Variants in KIAA1191 observed in about 807,000 individuals in gnomAD.
KIAA1191 encodes the protein putative monooxygenase p33MONOX.
In KIAA1191, 22 loss-of-function variants were observed where a neutral mutation model predicts 31.1. That is an observed-to-expected ratio of 0.71 (90% CI 0.51 to 1.01). The LOEUF is 1.01. KIAA1191 is among the 50% of genes least tolerant of loss of function. The pLI, the probability that KIAA1191 is intolerant of heterozygous loss-of-function variation, is 0.00. For missense variants in KIAA1191, 319 were observed against 388.0 expected (o/e 0.82, Z 1.49); for synonymous variants, 130 against 143.9 (o/e 0.90, Z 0.69).
chr5:176,350,492 C>G, intron 6 of KIAA1191, 121 bp downstream of exon 6: 2 of 1,258,140 alleles, frequency 1.6e-6, no homozygotes, highest in Non-Finnish European at 2.2e-6. Context: ...AGGCTAAGAG[C>G]TCGGGAGCGA....
chr5:176,348,179 T>G (rs1417853381), intron 7 of KIAA1191, 71 bp downstream of exon 7: 1 of 1,598,002 alleles, frequency 6.3e-7, no homozygotes, highest in Non-Finnish European at 8.6e-7. Flanking sequence ...CAGGCTTAAA[T>G]ACAACCTCAT....
chr5:176,347,878 G>GAT, intron 8 of KIAA1191, 43 bp downstream of exon 8: 3 of 1,613,420 alleles, frequency 1.9e-6, no homozygotes, highest in Non-Finnish European at 2.5e-6. Flanking sequence ...AATATGGTAA[G>GAT]ATGTCTGCCA....
chr5:176,355,773 G>A lies in KIAA1191; in HGVS notation c.29-24C>T. On this transcript the variant is annotated intron_variant, in intron 3 of 8. Coordinates refer to ENST00000298569, the MANE Select transcript of KIAA1191 (RefSeq NM_020444.5). The surrounding 1 kb of genome is among the most constrained non-coding windows in gnomAD (Gnocchi z 4.2). Reference sequence around the variant, plus strand: ...AGCTAAGAACAGAGACACCTGTCAAGACAGGTTCAGCAACTGGACATACTA... The same window carrying A: ...AGCTAAGAACAGAGACACCTGTCAAAACAGGTTCAGCAACTGGACATACTA... 6.2e-7 allele frequency: 1 copy of A among 1,611,420 alleles called. No homozygotes were observed. The highest frequency in any genetic ancestry group is 8.5e-7 in the Non-Finnish European group (1 of 1,177,748).
chr5:176,355,395 AAAAT>A lies in KIAA1191; in HGVS notation c.207+172_207+175del, dbSNP rs1767417984. Reference sequence around the variant, plus strand: ...TAAAGCTACTGATTTTTTTTTTAACAAAATAAATAAAATCTTAAAAAAAAAAAAA... The same window carrying A: ...TAAAGCTACTGATTTTTTTTTTAACAAAATAAAATCTTAAAAAAAAAAAAA... On this transcript the variant is annotated intron_variant, in intron 4 of 8. Coordinates refer to ENST00000298569, the MANE Select transcript of KIAA1191 (RefSeq NM_020444.5). The surrounding 1 kb of genome is among the most constrained non-coding windows in gnomAD (Gnocchi z 4.2). Among the ~76,000 whole-genome samples, 2 of 115,210 alleles carry A rather than the reference AAAAT, an allele frequency of 1.7e-5. No individual in the cohort carries two copies. The highest frequency in any genetic ancestry group is 3.0e-4 in the South Asian group (1 of 3,318). 75.6% of individuals were successfully genotyped at this position (115,210 alleles called of 152,430 possible).
At position 176,359,542 on chromosome 5, in the gene KIAA1191, A is replaced by G; in HGVS notation, c.-34T>C. On this transcript the variant is annotated 5_prime_UTR_variant, in exon 3 of 9. Coordinates refer to ENST00000298569, the MANE Select transcript of KIAA1191 (RefSeq NM_020444.5). ...TGGGATCCAGGTGCTTTTTCTATAC[A>G]GAATTCCGAGCTGAGTCCCTGCCAC... The G allele has an allele frequency of 1.3e-6, 2 of 1,582,714 alleles. No individual in the cohort carries two copies. The highest frequency in any genetic ancestry group is 1.7e-6 in the Non-Finnish European group (2 of 1,151,574).
intron 6 of KIAA1191, 116 bp downstream of exon 6, chr5:176,350,497 G>A (rs1182378519): frequency 3.1e-6 from 4 of 1,297,202 alleles, no homozygotes; most frequent in Non-Finnish European, 4.3e-6. Context: ...AAGAGCTCGG[G>A]AGCGAGACTA....
chr5:176,353,859 T>C (rs1767258734), intron 4 of KIAA1191, among the ~76,000 whole-genome samples: 1 of 152,214 alleles, frequency 6.6e-6, no homozygotes, highest in Admixed American at 6.5e-5. Context: ...CTAAAGCCCA[T>C]TGCTCTGACA....
chr5:176,354,721 T>C lies in KIAA1191; in HGVS notation c.207+850A>G, dbSNP rs188428162. 1.1e-4 allele frequency among the ~76,000 whole-genome samples: 17 copies of C among 152,228 alleles called. No homozygotes were observed. In the East Asian group the frequency reaches 2.9e-3, roughly 26 times the overall value. ...TCACAAAATGAGCAGTTTTTGGGAA[T>C]CTATGCCAGGCCATCGGCTGGATCC... On this transcript the variant is annotated intron_variant, in intron 4 of 8. Transcript: ENST00000298569.
chr5:176,353,534 A>G (rs1441801930), intron 4 of KIAA1191: 1 of 152,254 alleles, frequency 6.6e-6, no homozygotes, highest in Admixed American at 6.5e-5. Flanking sequence ...AAAAGTAATG[A>G]AAAATGTTGT....
chr5:176,350,480 C>T (rs1166739025), intron 6 of KIAA1191, 133 bp downstream of exon 6: 16 of 1,129,094 alleles, frequency 1.4e-5, no homozygotes, highest in East Asian at 4.8e-5. Flanking sequence ...GCAAAAACTA[C>T]GAGGCTAAGA....
intron 4 of KIAA1191, chr5:176,354,412 C>T (rs1291593526): frequency 6.6e-6 from 1 of 152,178 alleles, no homozygotes; most frequent in African/African-American, 2.4e-5. Context: ...CTTACGTGAA[C>T]TTGGCGGGCC....
intron 6 of KIAA1191, 148 bp downstream of exon 6, chr5:176,350,465 G>A: frequency 2.1e-6 from 2 of 946,358 alleles, no homozygotes; most frequent in Non-Finnish European, 1.6e-6. Context: ...TGTATAGGTG[G>A]ATAAGCAAAA....
In KIAA1191 at chr5:176,355,829, G is replaced by C; in HGVS notation, c.29-80C>G. On this transcript the variant is annotated intron_variant, in intron 3 of 8. Coordinates refer to ENST00000298569, the MANE Select transcript of KIAA1191 (RefSeq NM_020444.5). The surrounding 1 kb of genome is among the most constrained non-coding windows in gnomAD (Gnocchi z 4.2). ...TTTAAATTAATCTACAGGAAGGAAA[G>C]CTCTGAAATACTCTTGTTCTTGAAC... The C allele has an allele frequency of 2.2e-6, 3 of 1,375,256 alleles. No individual in the cohort carries two copies. Among genetic ancestry groups the C allele is most frequent in the Non-Finnish European group, 3.1e-6 (3 of 968,724 alleles). The allele number at this position is 1,375,256 out of a possible 1,614,324, so 85.2% of individuals were successfully genotyped here.
chr5:176,349,640 T>A (rs999209209), intron 6 of KIAA1191, among the ~76,000 whole-genome samples: 9 of 152,160 alleles, frequency 5.9e-5, no homozygotes, highest in Non-Finnish European at 1.3e-4. Context: ...AACACTGTAC[T>A]CCAGCCTGGG....
At chr5:176,360,331 T>C (rs759977984) in intron 1 of KIAA1191, among the ~76,000 whole-genome samples, 122 of 151,992 alleles carry the variant, frequency 8.0e-4, no homozygotes, top group Non-Finnish European at 1.4e-3. Flanking sequence ...TAATTTTTTG[T>C]ATTTTTAGTA....
intron 7 of KIAA1191, 62 bp from the exon 8 acceptor site, chr5:176,348,125 C>CA (rs1766680169): frequency 6.2e-7 from 1 of 1,604,146 alleles, no homozygotes. Context: ...AGAAATGTCT[C>CA]ACACCAAAAG....
chr5:176,359,080 T>A, intron 3 of KIAA1191, among the ~76,000 whole-genome samples: 1 of 80,186 alleles, frequency 1.2e-5, no homozygotes, highest in African/African-American at 4.7e-5. Context: ...CAAGACTCTG[T>A]CTCAAAAAAA....
At position 176,361,008 on chromosome 5, in the gene KIAA1191, T is replaced by G. The variant is rs1251664655; in HGVS notation, c.-168+594A>C. On this transcript the variant is annotated intron_variant, in intron 1 of 8. Transcript: ENST00000298569. This position sits in a 1 kb window ranked among gnomAD's most constrained non-coding sequence, Gnocchi z 4.0. The stretch of plus-strand genomic sequence containing the variant: ...GTTTTTCAGCTTGCTACACCGTCCC[T>G]CTATCCCGATAGGACTCAGACAGAG... 6.6e-6 allele frequency among the ~76,000 whole-genome samples: 1 copy of G among 152,034 alleles called. No homozygotes were observed. Among genetic ancestry groups the G allele is most frequent in the African/African-American group, 2.4e-5 (1 of 41,380 alleles).
At position 176,347,618 on chromosome 5, in the gene KIAA1191, G is replaced by C. The variant is rs201858370; in HGVS notation, c.900C>G (p.Leu300=). 4 of 1,520,922 alleles carry C rather than the reference G, an allele frequency of 2.6e-6. No individual in the cohort carries two copies. The highest frequency in any genetic ancestry group is 3.5e-6 in the Non-Finnish European group (4 of 1,136,132). The allele number at this position is 1,520,922 out of a possible 1,614,324, so 94.2% of individuals were successfully genotyped here. The change falls in exon 9 of 9, where the codon CTC becomes CTG. Residue 300 remains leucine, a synonymous_variant. Transcript: ENST00000298569. ...GAGGGCTCTAGAAGCCAGTGGGTGT[G>C]AGCACATTCAGGTCACGGGGTTTGA... ...HNLKPRDLNV[L]TPTGF
Sources: allele counts gnomAD v4.1 joint callset (sites outside exome capture counted in the v4.1 genomes callset), GRCh38; gene constraint gnomAD v4.1.1; non-coding constraint Gnocchi (gnomAD v3.1); transcripts MANE v1.5; gene names NCBI Gene and HGNC (gene_info 2026-07-23, HGNC 2026-07-21).